Variants in TYW1B observed in about 807,000 individuals in gnomAD.
TYW1B encodes the protein tRNA-yW synthesizing protein 1 homolog B.
In TYW1B, 73 loss-of-function variants were observed where a neutral mutation model predicts 86.9. The ratio of observed to expected loss-of-function variants is 0.84; its 90% CI spans 0.70 to 1.02. The LOEUF is 1.02. Ranked by LOEUF, TYW1B falls within the 50% of genes least tolerant of loss-of-function variation. The probability of loss-of-function intolerance (pLI) is 0.00; values close to 1 mark genes in which losing one functional copy is unlikely to be tolerated. For synonymous variants in TYW1B, 248 were observed against 292.8 expected (o/e 0.85, Z 1.56); for missense variants, 637 against 827.4 (o/e 0.77, Z 2.82).
At chr7:72,585,945 C>T (rs1310267510) in intron 13 of TYW1B, among the ~76,000 whole-genome samples, 3 of 152,144 alleles carry the variant, frequency 2.0e-5, no homozygotes, top group African/African-American at 7.2e-5. Flanking sequence ...GAGCTACTCC[C>T]ATATTGCAGT....
intron 13 of TYW1B, among the ~76,000 whole-genome samples, chr7:72,615,901 T>C (rs545482820): frequency 1.4e-3 from 218 of 151,294 alleles, no homozygotes; most frequent in Non-Finnish European, 2.6e-3. Flanking sequence ...CAAAATGAAA[T>C]ATGGAGAGAT....
intron 13 of TYW1B, among the ~76,000 whole-genome samples, chr7:72,589,520 G>A (rs1341417377): frequency 1.3e-5 from 2 of 152,222 alleles, no homozygotes; most frequent in Non-Finnish European, 2.9e-5. Context: ...TGTGCCAGCA[G>A]GAACAGCTGG....
intron 11 of TYW1B, among the ~76,000 whole-genome samples, chr7:72,665,662 A>G (rs1205609403): frequency 6.6e-6 from 1 of 152,184 alleles, no homozygotes; most frequent in African/African-American, 2.4e-5. Context: ...CTTTGTTTAC[A>G]CTTTTGTTGG....
intron 11 of TYW1B, among the ~76,000 whole-genome samples, chr7:72,632,321 T>TACGTGTATATATATTA: frequency 1.3e-5 from 1 of 74,288 alleles, no homozygotes; most frequent in African/African-American, 9.9e-5. Flanking sequence ...ATTATATATA[T>TACGTGTATATATATTA]TATATATATA....
At chr7:72,583,202 A>C (rs1554429849) in intron 13 of TYW1B, among the ~76,000 whole-genome samples, 1 of 152,096 alleles carries the variant, frequency 6.6e-6, no homozygotes, top group Non-Finnish European at 1.5e-5. Flanking sequence ...ATCTCTACTA[A>C]AAATACAAAA....
chr7:72,808,851 C>T (rs1191334256), intron 4 of TYW1B, among the ~76,000 whole-genome samples: 1 of 151,832 alleles, frequency 6.6e-6, no homozygotes, highest in African/African-American at 2.4e-5. Context: ...AAGAAAATTC[C>T]CCACCTCCAC....
intron 11 of TYW1B, among the ~76,000 whole-genome samples, chr7:72,632,264 A>T (rs1269926190): frequency 7.6e-5 from 8 of 105,744 alleles, no homozygotes; most frequent in South Asian, 3.1e-4. Flanking sequence ...GTCTCCAAAA[A>T]ATATATATAT....
At chr7:72,697,731 A>C (rs2844222) in intron 10 of TYW1B, among the ~76,000 whole-genome samples, 1 of 152,210 alleles carries the variant, frequency 6.6e-6, no homozygotes, top group African/African-American at 2.4e-5. Context: ...CTCCCAAAAA[A>C]AGACAATATT....
chr7:72,774,269 A>G (rs1250190914), intron 7 of TYW1B, among the ~76,000 whole-genome samples: 2 of 151,688 alleles, frequency 1.3e-5, no homozygotes, highest in African/African-American at 2.4e-5. Flanking sequence ...TTGCCTCAAC[A>G]GTGAAGAATA....
At chr7:72,645,107 G>A (rs1206500288) in intron 11 of TYW1B, among the ~76,000 whole-genome samples, 1 of 152,166 alleles carries the variant, frequency 6.6e-6, no homozygotes, top group Non-Finnish European at 1.5e-5. Flanking sequence ...GATTACAGGC[G>A]TGAGCCGCCG....
At chr7:72,641,961 T>A (rs1554441501) in intron 11 of TYW1B, among the ~76,000 whole-genome samples, 2 of 152,152 alleles carry the variant, frequency 1.3e-5, no homozygotes, top group African/African-American at 4.8e-5. Context: ...ATTCAAACAC[T>A]GTGATTTCAA....
At position 72,632,397 on chromosome 7, in the gene TYW1B, T is replaced by TA. The variant is rs1563038740; in HGVS notation, c.1507-3401dup. On this transcript the variant is annotated intron_variant, in intron 11 of 13. Coordinates refer to ENST00000620995, the MANE Select transcript of TYW1B (RefSeq NM_001145440.3). Reference sequence around the variant, plus strand: ...TATATTATATATATACGTATATATATATAATATATATATACATATATATAT... The same window carrying TA: ...TATATTATATATATACGTATATATATAATAATATATATATACATATATATAT... 5.4e-4 allele frequency among the ~76,000 whole-genome samples: 56 copies of TA among 103,094 alleles called. 1 individual carries two copies. The highest frequency in any genetic ancestry group is 4.1e-3 in the Admixed American group (35 of 8,548). 67.6% of individuals were successfully genotyped at this position (103,094 alleles called of 152,430 possible).
intron 6 of TYW1B, among the ~76,000 whole-genome samples, chr7:72,799,217 G>A (rs1454624567): frequency 1.9e-4 from 28 of 143,712 alleles, no homozygotes; most frequent in East Asian, 1.5e-3. Flanking sequence ...TGAATGCAGC[G>A]GCATGATCTC....
intron 13 of TYW1B, among the ~76,000 whole-genome samples, chr7:72,606,577 G>A (rs1811804350): frequency 6.8e-6 from 1 of 147,450 alleles, no homozygotes; most frequent in East Asian, 2.0e-4. Context: ...TGGAGAACCA[G>A]GACTTCTGCC....
intron 11 of TYW1B, among the ~76,000 whole-genome samples, chr7:72,659,142 A>C (rs1447296162): frequency 2.6e-5 from 4 of 152,242 alleles, no homozygotes; most frequent in Non-Finnish European, 4.4e-5. Flanking sequence ...TAAATGTGAC[A>C]AGAACAGAAA....
intron 9 of TYW1B, among the ~76,000 whole-genome samples, chr7:72,718,780 T>C (rs1786837524): frequency 1.3e-5 from 2 of 152,316 alleles, no homozygotes; most frequent in South Asian, 4.1e-4. Flanking sequence ...TCATTAACTA[T>C]AATCCCCACC....
chr7:72,826,939 TA>T lies in TYW1B; in HGVS notation c.50del (p.Leu17TyrfsTer3), dbSNP rs781873749. ...TWDLSSPLISLWINRFYIYLG... is the reference protein window; with the variant it reads ...TWDLSSPLISXWINRFYIYLG... ...GATAAATGTAAAACCTGTTTATCCA[TA>T]ATGATATTAAAGGTGAGGAGAGGTC... On this transcript the variant is annotated frameshift_variant, in exon 2 of 14. Transcript: ENST00000620995. LOFTEE classifies it high-confidence loss of function. 12 of 1,613,832 alleles carry T rather than the reference TA, an allele frequency of 7.4e-6. No homozygotes were observed. The highest frequency in any genetic ancestry group is 8.5e-6 in the Non-Finnish European group (10 of 1,179,858).
intron 9 of TYW1B, among the ~76,000 whole-genome samples, chr7:72,724,853 T>C (rs566514925): frequency 1.3e-5 from 2 of 152,334 alleles, no homozygotes; most frequent in African/African-American, 4.8e-5. Flanking sequence ...GGATCATTCC[T>C]TCCGTCTTAT....
At chr7:72,600,429 T>C (rs1225457044) in intron 13 of TYW1B, among the ~76,000 whole-genome samples, 4 of 152,042 alleles carry the variant, frequency 2.6e-5, no homozygotes, top group Non-Finnish European at 5.9e-5. Flanking sequence ...GAAATCTAGG[T>C]GACCTTGAAT....
Sources: gnomAD v4.1 joint callset for allele counts (sites outside exome capture counted in the v4.1 genomes callset) on GRCh38, gnomAD v4.1.1 for gene constraint, MANE v1.5 for transcripts, NCBI Gene and HGNC (gene_info 2026-07-23, HGNC 2026-07-21) for gene names.